Variants in CADM2 observed in about 807,000 individuals in gnomAD.
CADM2 encodes cell adhesion molecule 2, also known as immunoglobulin superfamily member 4D.
A neutral mutation model predicts 49.8 loss-of-function variants in CADM2; 12 were observed. The observed-to-expected ratio is 0.24, with a 90% CI of 0.15 to 0.39. The LOEUF is 0.39. CADM2 is among the 10% of genes least tolerant of loss of function. CADM2 has a pLI of 1.00. For missense variants in CADM2, 378 were observed against 492.3 expected (o/e 0.77, Z 2.20); for synonymous variants, 214 against 175.4 (o/e 1.22, Z -1.74).
At chr3:85,136,900 T>C (rs1469542463) in intron 1 of CADM2, among the ~76,000 whole-genome samples, 3 of 152,016 alleles carry the variant, frequency 2.0e-5, no homozygotes, top group African/African-American at 7.2e-5. Context: ...GTTTGCATTG[T>C]AGCAACTTGA....
intron 1 of CADM2, 158 bp from the exon 2 acceptor site, chr3:85,726,364 G>A: frequency 1.3e-6 from 1 of 763,640 alleles, no homozygotes; most frequent in Non-Finnish European, 2.2e-6. Context: ...CTAACTAAAT[G>A]TAACAATAGT....
chr3:85,307,866 A>G (rs960882407), intron 1 of CADM2, among the ~76,000 whole-genome samples: 3 of 151,526 alleles, frequency 2.0e-5, no homozygotes, highest in Admixed American at 6.6e-5. Flanking sequence ...ATTTAATTTG[A>G]TTAAGTTAGA....
chr3:86,040,035 A>C (rs1735667080), intron 8 of CADM2, among the ~76,000 whole-genome samples: 2 of 152,354 alleles, frequency 1.3e-5, no homozygotes, highest in South Asian at 4.1e-4. Context: ...GACTGTTAGA[A>C]GGAAAACTAA....
intron 1 of CADM2, among the ~76,000 whole-genome samples, chr3:85,576,155 A>C (rs902258905): frequency 2.6e-5 from 4 of 152,216 alleles, no homozygotes; most frequent in African/African-American, 9.6e-5. Flanking sequence ...TTTATTTATT[A>C]TAAAAATTAG....
At chr3:85,283,661 T>G (rs568258227) in intron 1 of CADM2, among the ~76,000 whole-genome samples, 1 of 152,020 alleles carries the variant, frequency 6.6e-6, no homozygotes, top group African/African-American at 2.4e-5. Flanking sequence ...CTATGACTCT[T>G]TAAGTGTGAG....
intron 1 of CADM2, among the ~76,000 whole-genome samples, chr3:85,275,613 C>A (rs541910482): frequency 4.0e-5 from 6 of 151,154 alleles, no homozygotes; most frequent in Non-Finnish European, 7.4e-5. Flanking sequence ...CAGTTACATG[C>A]ATTTTTTCCA....
At chr3:85,497,158 A>G (rs2039941091) in intron 1 of CADM2, among the ~76,000 whole-genome samples, 2 of 152,124 alleles carry the variant, frequency 1.3e-5, no homozygotes, top group Non-Finnish European at 2.9e-5. Context: ...TGTCTGCTCA[A>G]GGATTTTGCC....
intron 1 of CADM2, among the ~76,000 whole-genome samples, chr3:85,309,299 A>G (rs563493127): frequency 6.6e-6 from 1 of 152,258 alleles, no homozygotes; most frequent in South Asian, 2.1e-4. Context: ...CAAAGAGACA[A>G]CTTTTCCACT....
At chr3:85,571,911 C>A (rs755660945) in intron 1 of CADM2, among the ~76,000 whole-genome samples, 1 of 152,138 alleles carries the variant, frequency 6.6e-6, no homozygotes, top group Non-Finnish European at 1.5e-5. Flanking sequence ...ATACAATGTG[C>A]TTTGACATTG....
At chr3:85,164,906 GAAATT>G (rs1244034898) in intron 1 of CADM2, among the ~76,000 whole-genome samples, 2 of 151,668 alleles carry the variant, frequency 1.3e-5, no homozygotes, top group Non-Finnish European at 2.9e-5. Context: ...GAACAATCAA[GAAATT>G]ATTTGAATAT....
intron 1 of CADM2, among the ~76,000 whole-genome samples, chr3:85,626,381 A>G (rs1419069572): frequency 1.3e-5 from 2 of 152,004 alleles, no homozygotes; most frequent in Non-Finnish European, 2.9e-5. Flanking sequence ...TTACAATGAA[A>G]TGAAATGAAT....
At chr3:85,549,027 A>G (rs1318490154) in intron 1 of CADM2, among the ~76,000 whole-genome samples, 1 of 152,192 alleles carries the variant, frequency 6.6e-6, no homozygotes, top group Non-Finnish European at 1.5e-5. Context: ...CATTAATTGG[A>G]TAAATACCTG....
intron 6 of CADM2, among the ~76,000 whole-genome samples, chr3:85,929,522 AG>A (rs1720336102): frequency 6.6e-6 from 1 of 152,048 alleles, no homozygotes; most frequent in Admixed American, 6.6e-5. Flanking sequence ...TAAAAAGTGG[AG>A]TAACATATTA....
chr3:85,920,945 T>C (rs1241082061), intron 6 of CADM2, among the ~76,000 whole-genome samples: 2 of 151,744 alleles, frequency 1.3e-5, no homozygotes, highest in Non-Finnish European at 3.0e-5. Flanking sequence ...ATAAAACTTT[T>C]TGGAAGTTTT....
At chr3:85,652,028 A>G (rs1484032396) in intron 1 of CADM2, among the ~76,000 whole-genome samples, 8 of 136,838 alleles carry the variant, frequency 5.8e-5, no homozygotes, top group African/African-American at 1.6e-4. Flanking sequence ...CCTGTTAGCC[A>G]GGATGGTCTT....
chr3:85,001,033 C>CT (rs1032144720), intron 1 of CADM2, among the ~76,000 whole-genome samples: 1 of 152,058 alleles, frequency 6.6e-6, no homozygotes, highest in African/African-American at 2.4e-5. Context: ...TGTGGATATT[C>CT]TTTTTGTCAC....
intron 1 of CADM2, among the ~76,000 whole-genome samples, chr3:85,507,214 T>G (rs1288117626): frequency 6.6e-6 from 1 of 150,640 alleles, no homozygotes; most frequent in Non-Finnish European, 1.5e-5. Flanking sequence ...GACAGAATCT[T>G]GCTGTGTCAC....
At chr3:85,258,374 C>T (rs1420132175) in intron 1 of CADM2, among the ~76,000 whole-genome samples, 1 of 151,926 alleles carries the variant, frequency 6.6e-6, no homozygotes, top group African/African-American at 2.4e-5. Flanking sequence ...ATCTTATTAC[C>T]TTGGAGGCTT....
chr3:85,335,498 C>G (rs1210485726), intron 1 of CADM2, among the ~76,000 whole-genome samples: 3 of 151,262 alleles, frequency 2.0e-5, no homozygotes, highest in Non-Finnish European at 4.4e-5. Context: ...TACACATGTA[C>G]AATGTGTAAT....
Sources: gnomAD v4.1 joint callset for allele counts (sites outside exome capture counted in the v4.1 genomes callset) on GRCh38, gnomAD v4.1.1 for gene constraint, MANE v1.5 for transcripts, NCBI Gene and HGNC (gene_info 2026-07-23, HGNC 2026-07-21) for gene names.